Variants in WWOX observed in about 807,000 individuals in gnomAD.
WWOX encodes WW domain-containing oxidoreductase.
In WWOX, 69 loss-of-function variants were observed where a neutral mutation model predicts 46.2. The observed-to-expected ratio is 1.49, with a 90% CI of 1.23 to 1.82. The LOEUF is 1.82. WWOX is among the 40% of genes most tolerant of loss of function. The probability of loss-of-function intolerance (pLI) is 0.00; values close to 1 mark genes in which losing one functional copy is unlikely to be tolerated. For missense variants in WWOX, 919 were observed against 542.6 expected (o/e 1.69, Z -6.89); for synonymous variants, 359 against 202.6 (o/e 1.77, Z -6.56).
At chr16:78,732,629 G>C (rs984434390) in intron 8 of WWOX, among the ~76,000 whole-genome samples, 1 of 152,152 alleles carries the variant, frequency 6.6e-6, no homozygotes, top group African/African-American at 2.4e-5. Context: ...TCTTAGCTAA[G>C]ATTTATCAGA....
In WWOX at chr16:78,810,803, GA is replaced by G. The variant is rs200643508; in HGVS notation, c.1056+378059del. 6.0e-4 allele frequency among the ~76,000 whole-genome samples: 91 copies of G among 151,820 alleles called. 1 individual carries two copies. The highest frequency in any genetic ancestry group is 5.8e-3 in the East Asian group (30 of 5,166). On this transcript the variant is annotated intron_variant, in intron 8 of 8. Transcript: ENST00000566780. Reference sequence around the variant, plus strand: ...GAGACAAATCATCTTATGCAGGGGGGAAAAAAAACTCCCTAAAAAAGACAAA... The same window carrying G: ...GAGACAAATCATCTTATGCAGGGGGGAAAAAAACTCCCTAAAAAAGACAAA...
intron 5 of WWOX, among the ~76,000 whole-genome samples, chr16:78,293,376 C>T (rs768640066): frequency 6.6e-5 from 10 of 152,204 alleles, no homozygotes; most frequent in Non-Finnish European, 1.3e-4. Context: ...GTCCAGGCAT[C>T]TTTAGAAACA....
chr16:78,632,778 G>C lies in WWOX; in HGVS notation c.1056+200026G>C, dbSNP rs149539157. The stretch of plus-strand genomic sequence containing the variant: ...TCTCCATGTTGGTCAGACTGGTCTC[G>C]AACTCCTGACCTCAGGTGATCCACC... On this transcript the variant is annotated intron_variant, in intron 8 of 8. Coordinates refer to ENST00000566780, the MANE Select transcript of WWOX (RefSeq NM_016373.4). 5.1e-3 allele frequency among the ~76,000 whole-genome samples: 776 copies of C among 151,602 alleles called. 4 individuals carry two copies. Among genetic ancestry groups the C allele is most frequent in the African/African-American group, 0.018 (729 of 41,336 alleles).
chr16:78,201,913 C>G (rs1023549370), intron 5 of WWOX, among the ~76,000 whole-genome samples: 2 of 152,028 alleles, frequency 1.3e-5, no homozygotes, highest in Non-Finnish European at 2.9e-5. Flanking sequence ...GTTGCCCAGG[C>G]TGGTCACGAA....
At chr16:78,760,693 C>T (rs184945564) in intron 8 of WWOX, among the ~76,000 whole-genome samples, 47 of 152,256 alleles carry the variant, frequency 3.1e-4, no homozygotes, top group African/African-American at 3.9e-4. Flanking sequence ...TGCTGATTTC[C>T]GGGAGCAAAG....
chr16:79,104,846 A>C lies in WWOX; in HGVS notation c.1057-106762A>C, dbSNP rs909680329. ...AATACTGTGCGTACTTGCAATCCCC[A>C]CTTGACCAAAGGTGTCCAAACCTCG... is the stretch of plus-strand genomic sequence containing the variant. On this transcript the variant is annotated intron_variant, in intron 8 of 8. Coordinates refer to ENST00000566780, the MANE Select transcript of WWOX (RefSeq NM_016373.4). Among the ~76,000 whole-genome samples the C allele has an allele frequency of 9.2e-5, 14 of 152,204 alleles. No individual in the cohort carries two copies. The East Asian group carries it at 2.7e-3, about 29-fold the overall frequency.
intron 5 of WWOX, among the ~76,000 whole-genome samples, chr16:78,354,067 C>T (rs1054747537): frequency 6.6e-6 from 1 of 152,126 alleles, no homozygotes; most frequent in Non-Finnish European, 1.5e-5. Flanking sequence ...TTGTTTGCAC[C>T]TTTTAATTCC....
Position 78,340,620 on chromosome 16 carries a change from T to C in WWOX, c.517-46240T>C, listed in dbSNP as rs375621375. On this transcript the variant is annotated intron_variant, in intron 5 of 8. Transcript: ENST00000566780. The stretch of plus-strand genomic sequence containing the variant: ...TAGCACATGGCCACGGCCAGTTAAC[T>C]GTGGACTCCTCTGAAGGATGATCTG... 4.3e-4 allele frequency among the ~76,000 whole-genome samples: 52 copies of C among 121,212 alleles called. 10 individuals are homozygous for C. The South Asian group carries it at 0.013, about 29-fold the overall frequency. The allele number at this position is 121,212 out of a possible 152,430, so 79.5% of individuals were successfully genotyped here. A position where few individuals can be genotyped will look rare whatever the true frequency, so the allele number is the denominator to read the frequency against.
At chr16:78,563,225 G>C (rs2044481246) in intron 8 of WWOX, among the ~76,000 whole-genome samples, 1 of 152,128 alleles carries the variant, frequency 6.6e-6, no homozygotes, top group Non-Finnish European at 1.5e-5. Flanking sequence ...AATGTCATTT[G>C]CAAAACACTT....
At chr16:78,929,066 T>G (rs1200861092) in intron 8 of WWOX, among the ~76,000 whole-genome samples, 1 of 152,216 alleles carries the variant, frequency 6.6e-6, no homozygotes, top group Admixed American at 6.5e-5. Context: ...TTCAAATCAT[T>G]GCACAGAACA....
chr16:78,252,837 G>A (rs1021619306), intron 5 of WWOX, among the ~76,000 whole-genome samples: 2 of 152,076 alleles, frequency 1.3e-5, no homozygotes, highest in Admixed American at 6.6e-5. Flanking sequence ...TTTCTCCCTC[G>A]GCTTCAGCAT....
intron 8 of WWOX, among the ~76,000 whole-genome samples, chr16:78,910,614 T>C (rs2045085185): frequency 6.6e-6 from 1 of 151,884 alleles, no homozygotes; most frequent in South Asian, 2.1e-4. Flanking sequence ...TTTAATGGAC[T>C]CACAATTCCA....
intron 8 of WWOX, among the ~76,000 whole-genome samples, chr16:78,655,417 C>G (rs1420961274): frequency 6.6e-6 from 1 of 152,114 alleles, no homozygotes; most frequent in Non-Finnish European, 1.5e-5. Context: ...GTAATTAGAT[C>G]CATAATGTTT....
At chr16:79,197,109 G>T (rs1597466181) in intron 8 of WWOX, among the ~76,000 whole-genome samples, 1 of 152,090 alleles carries the variant, frequency 6.6e-6, no homozygotes, top group East Asian at 1.9e-4. Context: ...TCAACTTTTA[G>T]GTTATAGGGA....
At chr16:78,736,191 C>G (rs2049087796) in intron 8 of WWOX, among the ~76,000 whole-genome samples, 2 of 152,244 alleles carry the variant, frequency 1.3e-5, no homozygotes, top group South Asian at 2.1e-4. Context: ...CAGGTTTATC[C>G]TTGGGGGGCT....
intron 8 of WWOX, among the ~76,000 whole-genome samples, chr16:78,839,715 C>T (rs933220563): frequency 6.6e-6 from 1 of 152,036 alleles, no homozygotes; most frequent in Non-Finnish European, 1.5e-5. Context: ...AAAATACATC[C>T]CTGGTGATGT....
intron 8 of WWOX, among the ~76,000 whole-genome samples, chr16:78,943,934 C>T (rs1201483242): frequency 6.6e-6 from 1 of 152,200 alleles, no homozygotes; most frequent in South Asian, 2.1e-4. Context: ...CCAAGGCCTC[C>T]ATTGCCTGGT....
chr16:78,605,199 C>G (rs1411110013), intron 8 of WWOX, among the ~76,000 whole-genome samples: 2 of 151,074 alleles, frequency 1.3e-5, no homozygotes, highest in Non-Finnish European at 2.9e-5. Flanking sequence ...GTGAGTTTGC[C>G]ACTTCATGAT....
At chr16:78,615,558 A>G (rs1420603211) in intron 8 of WWOX, among the ~76,000 whole-genome samples, 1 of 151,946 alleles carries the variant, frequency 6.6e-6, no homozygotes, top group African/African-American at 2.4e-5. Context: ...CTAGAAAGGT[A>G]AGGCAAGAGA....
Sources: allele counts gnomAD v4.1 joint callset (sites outside exome capture counted in the v4.1 genomes callset), GRCh38; gene constraint gnomAD v4.1.1; transcripts MANE v1.5; gene names NCBI Gene and HGNC (gene_info 2026-07-23, HGNC 2026-07-21).